Variants in SAMD12 observed in about 807,000 individuals in gnomAD.
The protein encoded by SAMD12 is sterile alpha motif domain-containing protein 12.
A neutral mutation model predicts 15.0 loss-of-function variants in SAMD12; 9 were observed. That is an observed-to-expected ratio of 0.60 (90% CI 0.36 to 1.05). The LOEUF is 1.05. Among genes scored for constraint, SAMD12 ranks in the 50% least tolerant of loss-of-function variants. The pLI, the probability that SAMD12 is intolerant of heterozygous loss-of-function variation, is 0.01. For synonymous variants in SAMD12, 86 were observed against 90.1 expected, an observed-to-expected ratio of 0.96 and a Z score of 0.25; for missense variants, 230 against 234.2, an observed-to-expected ratio of 0.98 and a Z score of 0.12.
intron 4 of SAMD12, among the ~76,000 whole-genome samples, chr8:118,326,855 T>G (rs1816589921): frequency 6.6e-6 from 1 of 152,226 alleles, no homozygotes; most frequent in Non-Finnish European, 1.5e-5. Context: ...GGATGCCTTC[T>G]ACATGATTCC....
downstream of SAMD12, chr8:118,377,851 A>T (rs917054100): frequency 6.6e-6 from 1 of 152,218 alleles, no homozygotes; most frequent in Non-Finnish European, 1.5e-5. Context: ...ACCAGACACT[A>T]AACAGAAGCT....
intron 4 of SAMD12, among the ~76,000 whole-genome samples, chr8:118,264,125 T>C (rs1205385356): frequency 6.6e-6 from 1 of 152,136 alleles, no homozygotes; most frequent in African/African-American, 2.4e-5. Context: ...CACAATCTTC[T>C]AGTTAACTCT....
chr8:118,468,911 A>G (rs1366462788), intron 2 of SAMD12, among the ~76,000 whole-genome samples: 3 of 152,192 alleles, frequency 2.0e-5, no homozygotes, highest in Admixed American at 6.5e-5. Context: ...TTTTAATCCA[A>G]AAGTATTAAG....
chr8:118,179,835 C>G, the SAMD12 span, among the ~76,000 whole-genome samples: 1 of 152,204 alleles, frequency 6.6e-6, no homozygotes, highest in South Asian at 2.1e-4. Flanking sequence ...CTAGATTAAT[C>G]TGGATTACCC....
At chr8:118,620,479 G>T in intron 1 of SAMD12, among the ~76,000 whole-genome samples, 1 of 146,482 alleles carries the variant, frequency 6.8e-6, no homozygotes, top group Admixed American at 6.8e-5. Flanking sequence ...GAAAAATCTT[G>T]ATTGTAAGAG....
chr8:118,273,295 C>T (rs556011794), intron 4 of SAMD12, among the ~76,000 whole-genome samples: 27 of 152,250 alleles, frequency 1.8e-4, no homozygotes, highest in Admixed American at 1.3e-3. Flanking sequence ...GTCACTATTA[C>T]GAGAACAGCA....
intron 4 of SAMD12, among the ~76,000 whole-genome samples, chr8:118,214,052 A>C (rs559274655): frequency 6.6e-6 from 1 of 152,360 alleles, no homozygotes; most frequent in Admixed American, 6.5e-5. Context: ...TGATGCAAAT[A>C]TACTTGTGAT....
chr8:118,339,032 A>G (rs1357208745), intron 4 of SAMD12, among the ~76,000 whole-genome samples: 1 of 152,126 alleles, frequency 6.6e-6, no homozygotes, highest in Non-Finnish European at 1.5e-5. Flanking sequence ...AACCTCATAA[A>G]GAAAGAAAGG....
chr8:118,238,023 A>AACAAC (rs1329277680), intron 4 of SAMD12, among the ~76,000 whole-genome samples: 1 of 152,100 alleles, frequency 6.6e-6, no homozygotes, highest in Non-Finnish European at 1.5e-5. Context: ...AACAAAACAA[A>AACAAC]ACAAACAAAC....
intron 2 of SAMD12, among the ~76,000 whole-genome samples, chr8:118,491,663 G>T (rs890293912): frequency 2.6e-5 from 4 of 152,000 alleles, no homozygotes; most frequent in Non-Finnish European, 4.4e-5. Context: ...GAGTGGCTTT[G>T]CTTGTTTTTG....
chr8:118,466,869 T>A (rs1823609958), intron 2 of SAMD12, among the ~76,000 whole-genome samples: 1 of 152,176 alleles, frequency 6.6e-6, no homozygotes, highest in African/African-American at 2.4e-5. Flanking sequence ...GCCCACAAAT[T>A]TTGACAAATC....
chr8:118,316,878 C>T (rs1815943673), intron 4 of SAMD12, among the ~76,000 whole-genome samples: 1 of 141,844 alleles, frequency 7.1e-6, no homozygotes, highest in Non-Finnish European at 1.5e-5. Flanking sequence ...TGGTTTTGAA[C>T]TCTCGGCCTC....
intron 2 of SAMD12, among the ~76,000 whole-genome samples, chr8:118,519,003 G>A (rs1825319588): frequency 6.6e-6 from 1 of 152,206 alleles, no homozygotes; most frequent in Non-Finnish European, 1.5e-5. Flanking sequence ...CTAGATTTAA[G>A]AGGCAGGAGT....
chr8:118,429,970 T>G (rs1822348620), intron 3 of SAMD12, among the ~76,000 whole-genome samples: 1 of 152,144 alleles, frequency 6.6e-6, no homozygotes, highest in African/African-American at 2.4e-5. Flanking sequence ...AGAAAAAAGT[T>G]TTTTAACCAT....
intron 2 of SAMD12, among the ~76,000 whole-genome samples, chr8:118,497,652 C>T (rs10094035): frequency 0.12 from 17,447 of 142,790 alleles, 1,273 homozygotes; most frequent in East Asian, 0.27. Flanking sequence ...ACACCAAACC[C>T]CAGCGACACA....
intron 4 of SAMD12, among the ~76,000 whole-genome samples, chr8:118,318,355 T>TATATATATACACAC (rs1554630371): frequency 1.8e-5 from 2 of 110,840 alleles, no homozygotes; most frequent in South Asian, 3.4e-4. Context: ...TATATATATA[T>TATATATATACACAC]ACATATATAC....
intron 4 of SAMD12, among the ~76,000 whole-genome samples, chr8:118,293,033 C>T (rs977805789): frequency 2.6e-5 from 4 of 151,738 alleles, no homozygotes; most frequent in African/African-American, 9.7e-5. Context: ...CACATGTACC[C>T]TAAAACTTAA....
intron 4 of SAMD12, among the ~76,000 whole-genome samples, chr8:118,288,803 A>C (rs1814198553): frequency 6.6e-6 from 1 of 152,246 alleles, no homozygotes; most frequent in Non-Finnish European, 1.5e-5. Context: ...CAATCTTTTA[A>C]AAATTTTTTA....
In SAMD12 at chr8:118,401,316, T is replaced by C. The variant is rs1313107359; in HGVS notation, c.323-21616A>G. ...CAGATTTTCTTTGATTGTAAAGCAATAGTCTTACTGGTTCCTTTTCGCCTC... is the reference window on the plus strand; with the variant it reads ...CAGATTTTCTTTGATTGTAAAGCAACAGTCTTACTGGTTCCTTTTCGCCTC... On this transcript the variant is annotated intron_variant, in intron 3 of 3. Coordinates refer to ENST00000314727, the MANE Select transcript of SAMD12 (RefSeq NM_207506.3). Among the ~76,000 whole-genome samples, 5 of 152,174 alleles carry C rather than the reference T, an allele frequency of 3.3e-5. 1 individual carries two copies. In the South Asian group the frequency reaches 6.2e-4, roughly 19 times the overall value.
Sources: allele counts gnomAD v4.1 joint callset (sites outside exome capture counted in the v4.1 genomes callset), GRCh38; gene constraint gnomAD v4.1.1; transcripts MANE v1.5; gene names NCBI Gene and HGNC (gene_info 2026-07-23, HGNC 2026-07-21).